GPR176: variants seen among roughly 807,000 people sequenced by gnomAD.
The protein encoded by GPR176 is G-protein coupled receptor 176.
In GPR176, 26 loss-of-function variants were observed where a neutral mutation model predicts 35.4. The ratio of observed to expected loss-of-function variants is 0.74; its 90% CI spans 0.54 to 1.02. The LOEUF (loss-of-function observed/expected upper bound fraction) is 1.02. Ranked by LOEUF, GPR176 falls within the 50% of genes least tolerant of loss-of-function variation. GPR176 has a pLI of 0.00. For missense variants in GPR176, 597 were observed against 665.3 expected, an observed-to-expected ratio of 0.90 and a Z score of 1.13; for synonymous variants, 278 against 271.3, an observed-to-expected ratio of 1.02 and a Z score of -0.24.
intron 1 of GPR176, chr15:39,829,284 G>T (rs1293574827): frequency 5.6e-6 from 8 of 1,416,098 alleles, no homozygotes; most frequent in Middle Eastern, 2.0e-4. Flanking sequence ...ATGGATCAGG[G>T]AAAGAACTTG....
chr15:39,855,154 G>A (rs1024864651), intron 1 of GPR176, among the ~76,000 whole-genome samples: 40 of 152,012 alleles, frequency 2.6e-4, no homozygotes, highest in African/African-American at 9.7e-4. Context: ...TAACAAAGAT[G>A]AGTCTTTCCC....
At chr15:39,833,842 G>A (rs745606944) in intron 1 of GPR176, among the ~76,000 whole-genome samples, 13 of 152,124 alleles carry the variant, frequency 8.5e-5, no homozygotes, top group Non-Finnish European at 1.8e-4. Flanking sequence ...GACAGCTGGC[G>A]CAGAAATGAG....
chr15:39,913,755 C>A (rs1277691779), intron 1 of GPR176, among the ~76,000 whole-genome samples: 1 of 152,094 alleles, frequency 6.6e-6, no homozygotes, highest in African/African-American at 2.4e-5. Context: ...TGCTAAAAAA[C>A]CATCGAGTTG....
At chr15:39,832,829 T>C (rs1405020617) in intron 1 of GPR176, among the ~76,000 whole-genome samples, 2 of 152,194 alleles carry the variant, frequency 1.3e-5, no homozygotes, top group Non-Finnish European at 2.9e-5. Context: ...TTGTGGTTCC[T>C]TCCATCTTCA....
At chr15:39,915,743 G>C (rs762959856) in intron 1 of GPR176, among the ~76,000 whole-genome samples, 6 of 152,116 alleles carry the variant, frequency 3.9e-5, no homozygotes, top group Non-Finnish European at 7.3e-5. Context: ...GCTGGGCGTG[G>C]TGGCAGGCAC....
intron 1 of GPR176, among the ~76,000 whole-genome samples, chr15:39,906,859 A>G (rs903641549): frequency 6.6e-6 from 1 of 152,260 alleles, no homozygotes; most frequent in Non-Finnish European, 1.5e-5. Flanking sequence ...ATTAATCACT[A>G]TGTATTGAGC....
At chr15:39,832,908 T>A (rs1267161588) in intron 1 of GPR176, among the ~76,000 whole-genome samples, 1 of 152,152 alleles carries the variant, frequency 6.6e-6, no homozygotes, top group Non-Finnish European at 1.5e-5. Context: ...CCATCTTCTA[T>A]CTTTTAAGGA....
intron 1 of GPR176, among the ~76,000 whole-genome samples, chr15:39,819,870 T>G (rs1900152753): frequency 6.6e-6 from 1 of 152,232 alleles, no homozygotes; most frequent in South Asian, 2.1e-4. Flanking sequence ...TGATGTGAAC[T>G]GGAGAAATAA....
intron 1 of GPR176, among the ~76,000 whole-genome samples, chr15:39,862,976 G>A (rs146021838): frequency 0.012 from 1,801 of 152,260 alleles, 26 homozygotes; most frequent in Non-Finnish European, 0.016. Context: ...TATGGGACAA[G>A]ATGTGGTGGT....
Position 39,801,148 on chromosome 15 carries a change from G to A in GPR176, c.1532C>T (p.Pro511Leu). 1.9e-6 allele frequency: 3 copies of A among 1,601,560 alleles called. No homozygotes were observed. The highest frequency in any genetic ancestry group is 2.6e-6 in the Non-Finnish European group (3 of 1,172,024). Residue 511 changes from proline (P) to leucine (L), a missense_variant, in exon 3 of 3, where the codon CCA (proline) becomes CTA (leucine). Coordinates refer to ENST00000561100, the MANE Select transcript of GPR176 (RefSeq NM_007223.3). The stretch of plus-strand genomic sequence containing the variant: ...CAATCCTTGCTAGGAATCCACCTTT[G>A]GAAAAATGCTCACTTTATTGTTTCT... ...MSRNNKVSIF[P>L]KVDS
At chr15:39,901,108 T>C (rs975498280) in intron 1 of GPR176, among the ~76,000 whole-genome samples, 1 of 151,896 alleles carries the variant, frequency 6.6e-6, no homozygotes, top group African/African-American at 2.4e-5. Context: ...TTATTACTTA[T>C]AGAATATGGA....
chr15:39,824,723 C>A (rs923203995), intron 1 of GPR176, among the ~76,000 whole-genome samples: 1 of 152,226 alleles, frequency 6.6e-6, no homozygotes, highest in Non-Finnish European at 1.5e-5. Context: ...CATATTTCCA[C>A]TAGCTCCATG....
intron 1 of GPR176, among the ~76,000 whole-genome samples, chr15:39,850,280 A>C (rs1297511005): frequency 2.6e-5 from 4 of 152,184 alleles, no homozygotes; most frequent in Non-Finnish European, 5.9e-5. Context: ...ACTAGGGATT[A>C]AAAATTTTTC....
chr15:39,832,388 G>A (rs568824178), intron 1 of GPR176, among the ~76,000 whole-genome samples: 105 of 152,034 alleles, frequency 6.9e-4, no homozygotes, highest in Non-Finnish European at 1.2e-3. Flanking sequence ...ACAAATTACC[G>A]CAAACTTGCT....
chr15:39,853,299 A>T (rs2030994893), intron 1 of GPR176, among the ~76,000 whole-genome samples: 1 of 152,208 alleles, frequency 6.6e-6, no homozygotes, highest in South Asian at 2.1e-4. Flanking sequence ...ATACCAAGTG[A>T]AATCAGCCAG....
At chr15:39,846,343 T>C (rs1303695195) in intron 1 of GPR176, among the ~76,000 whole-genome samples, 1 of 152,190 alleles carries the variant, frequency 6.6e-6, no homozygotes, top group Non-Finnish European at 1.5e-5. Flanking sequence ...GGAATTTAGT[T>C]TATAGTTTAA....
chr15:39,876,833 A>G (rs1264977251), intron 1 of GPR176, among the ~76,000 whole-genome samples: 1 of 151,894 alleles, frequency 6.6e-6, no homozygotes, highest in East Asian at 1.9e-4. Flanking sequence ...AGAGAGAGAG[A>G]GAGGGAGAGA....
intron 1 of GPR176, among the ~76,000 whole-genome samples, chr15:39,829,611 T>C (rs1900929374): frequency 3.2e-5 from 1 of 31,368 alleles, no homozygotes; most frequent in South Asian, 9.6e-4. Context: ...CTTATGTTTA[T>C]TGATTTCACT....
intron 1 of GPR176, among the ~76,000 whole-genome samples, chr15:39,912,790 T>C (rs985923670): frequency 6.6e-6 from 1 of 152,150 alleles, no homozygotes; most frequent in Non-Finnish European, 1.5e-5. Context: ...CAGGAAAACA[T>C]AGCTATGTTT....
Sources: allele counts gnomAD v4.1 joint callset (sites outside exome capture counted in the v4.1 genomes callset), GRCh38; gene constraint gnomAD v4.1.1; transcripts MANE v1.5; gene names NCBI Gene and HGNC (gene_info 2026-07-23, HGNC 2026-07-21).